The following SLC44A1 variants were observed in gnomAD, a reference collection of about 807,000 sequenced individuals.
The protein encoded by SLC44A1 is solute carrier family 44 member 1, also known as choline transporter-like protein 1.
In SLC44A1, 26 loss-of-function variants were observed where a neutral mutation model predicts 79.3. That is an observed-to-expected ratio of 0.33 (90% CI 0.24 to 0.46). SLC44A1 has a LOEUF of 0.46. Among genes scored for constraint, SLC44A1 ranks in the 20% least tolerant of loss-of-function variants. The pLI, the probability that SLC44A1 is intolerant of heterozygous loss-of-function variation, is 1.00. For synonymous variants in SLC44A1, 263 were observed against 286.2 expected (o/e 0.92, Z 0.82); for missense variants, 688 against 798.1 (o/e 0.86, Z 1.66).
chr9:105,341,452 A>G (rs1424684075), intron 4 of SLC44A1, among the ~76,000 whole-genome samples: 1 of 152,140 alleles, frequency 6.6e-6, no homozygotes, highest in Non-Finnish European at 1.5e-5. Context: ...TTCATAATTC[A>G]TATAACACAA....
intron 3 of SLC44A1, among the ~76,000 whole-genome samples, chr9:105,318,999 C>G (rs1401908482): frequency 6.6e-6 from 1 of 152,080 alleles, no homozygotes; most frequent in Non-Finnish European, 1.5e-5. Flanking sequence ...AAGCTTTAGT[C>G]ATTGTTCATG....
At chr9:105,414,335 G>A (rs1588876011) in intron 15 of SLC44A1, among the ~76,000 whole-genome samples, 2 of 152,130 alleles carry the variant, frequency 1.3e-5, no homozygotes, top group Non-Finnish European at 2.9e-5. Context: ...GATTATAGGC[G>A]TGAGCCACCA....
intron 12 of SLC44A1, among the ~76,000 whole-genome samples, chr9:105,371,270 C>A (rs1017818167): frequency 2.0e-5 from 3 of 152,184 alleles, no homozygotes; most frequent in African/African-American, 7.2e-5. Flanking sequence ...AACAGGAGGT[C>A]AGCAAGCTTT....
rs974217472 is a variant in SLC44A1, at chr9:105,397,324, A to C, written c.*8268A>C. On this transcript the variant is annotated 3_prime_UTR_variant, in exon 16 of 16. Transcript: ENST00000374720. ...AAATGTATAGAATTTTTTATGTAATAAATAAAATTTTATAGGAAAGAATGT... is the reference window on the plus strand; with the variant it reads ...AAATGTATAGAATTTTTTATGTAATCAATAAAATTTTATAGGAAAGAATGT... 15 of 978,960 alleles carry C rather than the reference A, an allele frequency of 1.5e-5. No individual in the cohort carries two copies. Among genetic ancestry groups the C allele is most frequent in the Non-Finnish European group, 1.8e-5 (15 of 824,152 alleles). 60.6% of individuals were successfully genotyped at this position (978,960 alleles called of 1,614,324 possible).
intron 3 of SLC44A1, among the ~76,000 whole-genome samples, chr9:105,331,478 C>T (rs1434852264): frequency 1.3e-5 from 2 of 152,188 alleles, no homozygotes; most frequent in Non-Finnish European, 2.9e-5. Context: ...AAAAATAAAA[C>T]TATCAGTTCA....
intron 3 of SLC44A1, among the ~76,000 whole-genome samples, chr9:105,313,251 T>G (rs1326871007): frequency 6.6e-6 from 1 of 152,278 alleles, no homozygotes. Flanking sequence ...ATACTTGTTA[T>G]TCTACTGCCT....
intron 5 of SLC44A1, among the ~76,000 whole-genome samples, chr9:105,351,585 A>G: frequency 1.3e-4 from 17 of 126,006 alleles, no homozygotes; most frequent in African/African-American, 1.8e-4. Context: ...AGAAAGAGAG[A>G]AAGAGAGAAA....
At chr9:105,267,290 T>G (rs945056805) in intron 1 of SLC44A1, among the ~76,000 whole-genome samples, 1 of 152,174 alleles carries the variant, frequency 6.6e-6, no homozygotes, top group Non-Finnish European at 1.5e-5. Flanking sequence ...CTCTCAAACC[T>G]TTTAGGATCT....
chr9:105,285,799 A>G (rs568694193), intron 1 of SLC44A1, among the ~76,000 whole-genome samples: 6 of 152,260 alleles, frequency 3.9e-5, no homozygotes, highest in Admixed American at 6.5e-5. Context: ...AGTTAAGGCT[A>G]TTGTCACTTC....
intron 1 of SLC44A1, among the ~76,000 whole-genome samples, chr9:105,274,683 A>G (rs1830159148): frequency 6.6e-6 from 1 of 152,244 alleles, no homozygotes; most frequent in African/African-American, 2.4e-5. Context: ...GTTGAACAGT[A>G]TGGGTAGAGT....
At chr9:105,290,812 G>A (rs544870114) in intron 1 of SLC44A1, among the ~76,000 whole-genome samples, 10 of 152,332 alleles carry the variant, frequency 6.6e-5, no homozygotes, top group South Asian at 2.1e-4. Flanking sequence ...ATGAATGTTT[G>A]TGATTTAGCA....
At chr9:105,251,582 C>A (rs563302280) in intron 1 of SLC44A1, among the ~76,000 whole-genome samples, 1 of 152,318 alleles carries the variant, frequency 6.6e-6, no homozygotes, top group East Asian at 1.9e-4. Context: ...ACAACAAGAC[C>A]CTGTGTGTGG....
chr9:105,290,917 G>A (rs1209485282), intron 1 of SLC44A1, among the ~76,000 whole-genome samples: 1 of 152,142 alleles, frequency 6.6e-6, no homozygotes, highest in South Asian at 2.1e-4. Flanking sequence ...TTAAAATAAT[G>A]CTTTTAGTTT....
chr9:105,316,762 G>A (rs1831338962), intron 3 of SLC44A1, among the ~76,000 whole-genome samples: 1 of 152,112 alleles, frequency 6.6e-6, no homozygotes, highest in Non-Finnish European at 1.5e-5. Context: ...AGGCTGGTGG[G>A]GAGAGGAAAA....
chr9:105,348,160 C>T (rs1588812094), intron 4 of SLC44A1, among the ~76,000 whole-genome samples, 198 bp from the exon 5 acceptor site: 1 of 151,908 alleles, frequency 6.6e-6, no homozygotes, highest in Admixed American at 6.6e-5. Flanking sequence ...AAAATTTGTA[C>T]ATGAATTACA....
At chr9:105,366,477 T>A (rs375172949) in intron 12 of SLC44A1, 48 bp downstream of exon 12, 2 of 821,914 alleles carry the variant, frequency 2.4e-6, no homozygotes, top group African/African-American at 3.6e-5. Flanking sequence ...AAAGATAGGT[T>A]CATTGTTTCT....
intron 3 of SLC44A1, among the ~76,000 whole-genome samples, chr9:105,331,841 G>A (rs1039012833): frequency 1.3e-5 from 2 of 152,178 alleles, no homozygotes; most frequent in African/African-American, 4.8e-5. Context: ...TCATGCTTTG[G>A]CACCTACTAG....
In SLC44A1 at chr9:105,362,913, G is replaced by A. The variant is rs1799768778; in HGVS notation, c.993G>A (p.Leu331=). The A allele has an allele frequency of 6.2e-7, 1 of 1,613,694 alleles. No homozygotes were observed. Among genetic ancestry groups the A allele is most frequent in the African/African-American group, 1.3e-5 (1 of 74,876 alleles). ...TAGCTGGCAAGGTCTTCATTCACTTGCCACTGCTAGTCTTCCAACCCTTCT... is the reference window on the plus strand; with the variant it reads ...TAGCTGGCAAGGTCTTCATTCACTTACCACTGCTAGTCTTCCAACCCTTCT... ...FHVAGKVFIH[L]PLLVFQPFWT... Residue 331 remains leucine (L), a synonymous_variant, in exon 9 of 16, where the codon TTG becomes TTA. Transcript: ENST00000374720.
intron 1 of SLC44A1, among the ~76,000 whole-genome samples, chr9:105,255,254 TAAC>T (rs1356729416): frequency 1.3e-5 from 2 of 152,280 alleles, no homozygotes; most frequent in African/African-American, 4.8e-5. Flanking sequence ...TCAATCTTGT[TAAC>T]AACCAAATTA....
Sources: allele counts gnomAD v4.1 joint callset (sites outside exome capture counted in the v4.1 genomes callset), GRCh38; gene constraint gnomAD v4.1.1; transcripts MANE v1.5; gene names NCBI Gene and HGNC (gene_info 2026-07-23, HGNC 2026-07-21).